Variants in KIF15 observed in about 807,000 individuals in gnomAD.
KIF15 encodes the protein kinesin family member 15.
A neutral mutation model predicts 190.6 loss-of-function variants in KIF15; 140 were observed. The observed-to-expected ratio is 0.73, with a 90% CI of 0.64 to 0.84. The LOEUF is 0.84. KIF15 is among the 40% of genes least tolerant of loss of function. KIF15 has a pLI of 0.00. For missense variants in KIF15, 1,372 were observed against 1,584.4 expected (o/e 0.87, Z 2.28); for synonymous variants, 528 against 551.3 (o/e 0.96, Z 0.59).
At chr3:44,861,739 A>C in intron 6 of KIF15, 1 of 594,294 alleles carries the variant, frequency 1.7e-6, no homozygotes, top group Non-Finnish European at 2.8e-6. Context: ...GTTAGGCCGG[A>C]GGCCGCCACA....
At chr3:44,820,239 A>G (rs1324574517) in intron 20 of KIF15, among the ~76,000 whole-genome samples, 1 of 151,220 alleles carries the variant, frequency 6.6e-6, no homozygotes, top group African/African-American at 2.4e-5. Flanking sequence ...TAGCCCATTT[A>G]CATTTAAGGT....
At chr3:44,789,629 T>A in intron 7 of KIF15, among the ~76,000 whole-genome samples, 1 of 141,674 alleles carries the variant, frequency 7.1e-6, no homozygotes, top group Non-Finnish European at 1.5e-5. Flanking sequence ...TTCATTGCGA[T>A]TTTTGTCTAA....
chr3:44,814,953 C>T lies in KIF15; in HGVS notation c.2426C>T (p.Ser809Phe), dbSNP rs1298411234. The change falls in exon 20 of 35, where the codon TCT becomes TTT. Residue 809 changes from serine (S) to phenylalanine (F), a missense_variant. Physicochemically the swap from Ser to Phe is radical, Grantham distance 155. Transcript: ENST00000326047. The part of the protein sequence containing the change: ...EVHDLRVVLH[S>F]ADKELSSVKL... ...CATGACCTGCGAGTAGTCCTTCATTCTGCTGACAAGGAGCTTTCTTCAGTG... is the reference window on the plus strand; with the variant it reads ...CATGACCTGCGAGTAGTCCTTCATTTTGCTGACAAGGAGCTTTCTTCAGTG... 4 of 1,612,026 alleles carry T rather than the reference C, an allele frequency of 2.5e-6. No individual in the cohort carries two copies. The South Asian group carries it at 4.4e-5, about 18-fold the overall frequency.
chr3:44,835,720 A>G (rs759344063), intron 26 of KIF15, among the ~76,000 whole-genome samples: 1 of 152,206 alleles, frequency 6.6e-6, no homozygotes, highest in Non-Finnish European at 1.5e-5. Context: ...AACATCCACA[A>G]ATAGAGAGCA....
At chr3:44,799,209 C>T (rs1482634020) in intron 10 of KIF15, 1 of 455,972 alleles carries the variant, frequency 2.2e-6, no homozygotes, top group Non-Finnish European at 4.4e-6. Context: ...TGAGGCTGGC[C>T]ATAAGAATCA....
chr3:44,812,598 G>A (rs1439112139), intron 18 of KIF15, among the ~76,000 whole-genome samples: 1 of 152,196 alleles, frequency 6.6e-6, no homozygotes, highest in African/African-American at 2.4e-5. Context: ...ACTGTCCATG[G>A]CTTCATAGTT....
In KIF15 at chr3:44,832,031, C is replaced by T. The variant is rs56788394; in HGVS notation, c.3171+1013C>T. On this transcript the variant is annotated intron_variant, in intron 26 of 34. Coordinates refer to ENST00000326047, the MANE Select transcript of KIF15 (RefSeq NM_020242.3). ...GATTGAAAAACACTGTTACTTACAT[C>T]AAAGCATGCATTCTAGCTTAAGAGA... Among the ~76,000 whole-genome samples the T allele has an allele frequency of 1.8e-3, 279 of 152,252 alleles. 11 individuals are homozygous for T. The East Asian group carries it at 0.049, about 27-fold the overall frequency.
chr3:44,762,800 C>T (rs1421288090), intron 1 of KIF15, among the ~76,000 whole-genome samples: 1 of 151,962 alleles, frequency 6.6e-6, no homozygotes, highest in African/African-American at 2.4e-5. Context: ...CCTTATGCTA[C>T]CTTTTTGCAT....
At chr3:44,828,596 C>G (rs1310954731) in intron 24 of KIF15, among the ~76,000 whole-genome samples, 2 of 152,180 alleles carry the variant, frequency 1.3e-5, no homozygotes, top group Admixed American at 6.5e-5. Flanking sequence ...CTTGTTGACT[C>G]TAAGTCCCAT....
intron 3 of KIF15, among the ~76,000 whole-genome samples, chr3:44,776,011 C>T (rs950213139): frequency 8.7e-5 from 13 of 150,262 alleles, no homozygotes; most frequent in Non-Finnish European, 1.2e-4. Context: ...ACCTAGGAGG[C>T]GGAGCTTGCA....
chr3:44,852,461 T>TA (rs375038429), intron 34 of KIF15, 122 bp downstream of exon 34: 35,366 of 797,590 alleles, frequency 0.044, no homozygotes, highest in South Asian at 0.049. Context: ...CTTCCTGAAT[T>TA]AAAAAAAAAA....
chr3:44,868,218 A>T (rs1428591400), intron 6 of KIF15, among the ~76,000 whole-genome samples: 2 of 152,222 alleles, frequency 1.3e-5, no homozygotes, highest in African/African-American at 2.4e-5. Context: ...ACATCAATAT[A>T]TGGCCTTTTG....
chr3:44,813,293 GTTGT>G (rs774155465), intron 19 of KIF15, 113 bp downstream of exon 19: 9 of 624,930 alleles, frequency 1.4e-5, no homozygotes, highest in Non-Finnish European at 2.4e-5. Context: ...CTTTGTTGTT[GTTGT>G]TTGTTTGATA....
chr3:44,777,837 G>A (rs72875711), intron 3 of KIF15, among the ~76,000 whole-genome samples: 1,670 of 152,264 alleles, frequency 0.011, 28 homozygotes, highest in African/African-American at 0.037. Context: ...ATGTACAGCC[G>A]TTTATTTATG....
intron 26 of KIF15, 106 bp downstream of exon 26, chr3:44,831,124 T>C: frequency 7.8e-6 from 10 of 1,282,224 alleles, no homozygotes; most frequent in Non-Finnish European, 1.1e-5. Context: ...TTTAAAGAAA[T>C]AATTCTTATA....
chr3:44,805,768 G>C, intron 15 of KIF15, 77 bp from the exon 16 acceptor site: 1 of 1,277,280 alleles, frequency 7.8e-7, no homozygotes, highest in Non-Finnish European at 1.1e-6. Flanking sequence ...TTATGTGAGA[G>C]CATAAACTGT....
chr3:44,769,804 C>A (rs1422207637), intron 1 of KIF15, among the ~76,000 whole-genome samples: 1 of 152,084 alleles, frequency 6.6e-6, no homozygotes, highest in Non-Finnish European at 1.5e-5. Context: ...GGGTCCTCCT[C>A]CAAGGGAAAG....
intron 11 of KIF15, 92 bp downstream of exon 11, chr3:44,800,529 C>T: frequency 1.4e-6 from 2 of 1,421,170 alleles, no homozygotes; most frequent in East Asian, 2.3e-5. Context: ...AATAAGGCAA[C>T]CCAAATTTTT....
intron 20 of KIF15, among the ~76,000 whole-genome samples, chr3:44,816,543 A>G (rs1482497878): frequency 6.6e-6 from 1 of 152,150 alleles, no homozygotes; most frequent in East Asian, 1.9e-4. Context: ...TTCCAGCTTC[A>G]TCCATGTCCC....
Sources: gnomAD v4.1 joint callset for allele counts (sites outside exome capture counted in the v4.1 genomes callset) on GRCh38, gnomAD v4.1.1 for gene constraint, MANE v1.5 for transcripts, NCBI Gene and HGNC (gene_info 2026-07-23, HGNC 2026-07-21) for gene names.